Variants in CACNA2D3 observed in about 807,000 individuals in gnomAD.
CACNA2D3 encodes calcium voltage-gated channel auxiliary subunit alpha2delta 3.
A neutral mutation model predicts 160.6 loss-of-function variants in CACNA2D3; 60 were observed. The ratio of observed to expected loss-of-function variants is 0.37; its 90% CI spans 0.30 to 0.46. CACNA2D3 has a LOEUF of 0.46. Ranked by LOEUF, CACNA2D3 falls within the 20% of genes least tolerant of loss-of-function variation. The probability of loss-of-function intolerance (pLI) is 1.00; values close to 1 mark genes in which losing one functional copy is unlikely to be tolerated. For synonymous variants in CACNA2D3, 558 were observed against 492.9 expected, an observed-to-expected ratio of 1.13 and a Z score of -1.75; for missense variants, 1,205 against 1,365.0, an observed-to-expected ratio of 0.88 and a Z score of 1.85.
chr3:54,174,816 T>C (rs1458650440), intron 2 of CACNA2D3, among the ~76,000 whole-genome samples: 2 of 152,242 alleles, frequency 1.3e-5, no homozygotes, highest in Non-Finnish European at 2.9e-5. Flanking sequence ...TGAGCCACTG[T>C]GCCTGGCCTG....
intron 16 of CACNA2D3, among the ~76,000 whole-genome samples, chr3:54,844,060 T>A (rs1486936697): frequency 6.6e-6 from 1 of 152,008 alleles, no homozygotes; most frequent in Non-Finnish European, 1.5e-5. Context: ...TCACTGCAGC[T>A]TATTGAGGGA....
At chr3:54,737,482 A>G (rs1419088218) in intron 11 of CACNA2D3, among the ~76,000 whole-genome samples, 1 of 152,150 alleles carries the variant, frequency 6.6e-6, no homozygotes, top group Non-Finnish European at 1.5e-5. Context: ...AAAGAACTTC[A>G]GGTGTCAAAG....
chr3:54,785,464 G>A (rs1424278045), intron 13 of CACNA2D3, among the ~76,000 whole-genome samples: 3 of 151,904 alleles, frequency 2.0e-5, no homozygotes, highest in Non-Finnish European at 4.4e-5. Context: ...ATTTTTTTTG[G>A]TAGAGGAGGC....
At chr3:54,128,580 T>C (rs1380530923) in intron 2 of CACNA2D3, among the ~76,000 whole-genome samples, 2 of 152,208 alleles carry the variant, frequency 1.3e-5, no homozygotes, top group Non-Finnish European at 2.9e-5. Flanking sequence ...TTTACCATCA[T>C]AGATGCTATG....
At position 54,898,902 on chromosome 3, in the gene CACNA2D3, G is replaced by A. The variant is rs189301523; in HGVS notation, c.2369-886G>A. Among the ~76,000 whole-genome samples, 258 of 152,296 alleles carry A rather than the reference G, an allele frequency of 1.7e-3. 1 individual carries two copies. The highest frequency in any genetic ancestry group is 1.8e-3 in the Non-Finnish European group (120 of 68,028). ...TCACCAACTGCAAGTCTCTGTGGTGGAGCTCTCTCTGATTTTCTCTGCTAT... is the reference window on the plus strand; with the variant it reads ...TCACCAACTGCAAGTCTCTGTGGTGAAGCTCTCTCTGATTTTCTCTGCTAT... On this transcript the variant is annotated intron_variant, in intron 26 of 37. Coordinates refer to ENST00000474759, the MANE Select transcript of CACNA2D3 (RefSeq NM_018398.3).
intron 13 of CACNA2D3, among the ~76,000 whole-genome samples, chr3:54,777,492 A>T (rs891709107): frequency 6.6e-6 from 1 of 152,258 alleles, no homozygotes; most frequent in Non-Finnish European, 1.5e-5. Flanking sequence ...AAGCAAAGCC[A>T]GTAGTTTATT....
At chr3:55,054,802 A>G (rs1575454926) in intron 35 of CACNA2D3, among the ~76,000 whole-genome samples, 1 of 151,776 alleles carries the variant, frequency 6.6e-6, no homozygotes, top group Non-Finnish European at 1.5e-5. Flanking sequence ...GATGTCCTGG[A>G]TTCTGTTATA....
At chr3:54,517,059 C>T (rs1701562921) in intron 5 of CACNA2D3, among the ~76,000 whole-genome samples, 1 of 152,000 alleles carries the variant, frequency 6.6e-6, no homozygotes, top group Non-Finnish European at 1.5e-5. Context: ...TATAGTAGTC[C>T]CTTCTAAGGA....
chr3:54,359,772 T>A (rs1698711132), intron 3 of CACNA2D3, among the ~76,000 whole-genome samples: 1 of 152,224 alleles, frequency 6.6e-6, no homozygotes, highest in Non-Finnish European at 1.5e-5. Flanking sequence ...CACTTGTTAT[T>A]TGAAGGTAGT....
chr3:54,488,106 G>C (rs1701045849), intron 4 of CACNA2D3, among the ~76,000 whole-genome samples: 1 of 152,222 alleles, frequency 6.6e-6, no homozygotes, highest in African/African-American at 2.4e-5. Context: ...ATGGTAATGA[G>C]CTTTGTCTAT....
At chr3:54,573,572 G>T (rs1272574874) in intron 8 of CACNA2D3, among the ~76,000 whole-genome samples, 4 of 152,202 alleles carry the variant, frequency 2.6e-5, no homozygotes, top group South Asian at 2.1e-4. Context: ...CAGAAGTGCT[G>T]CAGTGAGTGC....
intron 35 of CACNA2D3, among the ~76,000 whole-genome samples, chr3:55,061,701 A>G (rs1288082472): frequency 6.6e-6 from 1 of 152,140 alleles, no homozygotes; most frequent in East Asian, 1.9e-4. Flanking sequence ...GTTTGTTTTC[A>G]TATGTTTGGA....
In CACNA2D3 at chr3:54,927,748, G is replaced by A. The variant is rs112849991; in HGVS notation, c.2449+27880G>A. 4.8e-3 allele frequency among the ~76,000 whole-genome samples: 726 copies of A among 152,152 alleles called. 8 individuals carry two copies. The highest frequency in any genetic ancestry group is 0.016 in the African/African-American group (675 of 41,516). ...CCCTCTTCCTCTGCACCCAACATGC[G>A]CAAACATAAATCATTCCATGCAGAG... is the stretch of plus-strand genomic sequence containing the variant. On this transcript the variant is annotated intron_variant, in intron 27 of 37. Transcript: ENST00000474759.
At chr3:54,293,666 G>A (rs1049977051) in intron 2 of CACNA2D3, among the ~76,000 whole-genome samples, 10 of 152,104 alleles carry the variant, frequency 6.6e-5, no homozygotes, top group African/African-American at 2.2e-4. Flanking sequence ...GATGAATCGC[G>A]AATGCATCAT....
chr3:54,492,033 A>G (rs1301001720), intron 4 of CACNA2D3, among the ~76,000 whole-genome samples: 1 of 152,174 alleles, frequency 6.6e-6, no homozygotes, highest in African/African-American at 2.4e-5. Flanking sequence ...TTCTTCCTAT[A>G]GAATCTGAAG....
intron 14 of CACNA2D3, among the ~76,000 whole-genome samples, chr3:54,822,770 CTTTCTTTCTTTCTTTCTTTCCTTT>C (rs1703644415): frequency 1.1e-5 from 1 of 88,706 alleles, no homozygotes; most frequent in Non-Finnish European, 2.2e-5. Flanking sequence ...TTCTTTCTTT[CTTTCTTTCTTTCTTTCTTTCCTTT>C]CTTTCTTTCT....
At chr3:54,634,381 T>A (rs1281504656) in intron 10 of CACNA2D3, 1 of 152,228 alleles carries the variant, frequency 6.6e-6, no homozygotes, top group African/African-American at 2.4e-5. Flanking sequence ...CCCCTCCCAT[T>A]TCTTATCCTT....
At chr3:54,797,191 AG>A (rs35403146) in intron 13 of CACNA2D3, among the ~76,000 whole-genome samples, 1 of 152,208 alleles carries the variant, frequency 6.6e-6, no homozygotes, top group Non-Finnish European at 1.5e-5. Flanking sequence ...TTTTGTTTCT[AG>A]GGTAAGTTCT....
rs754570110 is a variant in CACNA2D3, at chr3:54,265,656, A to ATAGT, written c.205-54786_205-54785insTAGT. On this transcript the variant is annotated intron_variant, in intron 2 of 37. Transcript: ENST00000474759. ...GTATATATATAGTGTGTATATATAT[A>ATAGT]GTGTATATATATAGTGTGTGTATAT... Among the ~76,000 whole-genome samples, 331 of 52,550 alleles carry ATAGT rather than the reference A, an allele frequency of 6.3e-3. 3 individuals carry two copies. The highest frequency in any genetic ancestry group is 0.018 in the Middle Eastern group (1 of 56). 34.5% of individuals were successfully genotyped at this position (52,550 alleles called of 152,430 possible).
Sources: gnomAD v4.1 joint callset for allele counts (sites outside exome capture counted in the v4.1 genomes callset) on GRCh38, gnomAD v4.1.1 for gene constraint, MANE v1.5 for transcripts, NCBI Gene and HGNC (gene_info 2026-07-23, HGNC 2026-07-21) for gene names.